Variants in NOVA1 observed in about 807,000 individuals in gnomAD.
NOVA1 encodes the protein NOVA alternative splicing regulator 1.
NOVA1 carries 7 observed loss-of-function variants against 38.0 expected under a neutral mutation model. The ratio of observed to expected loss-of-function variants is 0.18; its 90% CI spans 0.10 to 0.35. NOVA1 has a LOEUF of 0.35. NOVA1 is among the 10% of genes least tolerant of loss of function. The pLI, the probability that NOVA1 is intolerant of heterozygous loss-of-function variation, is 1.00. For missense variants in NOVA1, 460 were observed against 616.0 expected (o/e 0.75, Z 2.68); for synonymous variants, 270 against 232.5 (o/e 1.16, Z -1.47).
intron 2 of NOVA1, among the ~76,000 whole-genome samples, chr14:26,482,493 C>T (rs117122673): frequency 0.013 from 2,007 of 152,050 alleles, 22 homozygotes; most frequent in Middle Eastern, 0.027. Flanking sequence ...AAAAATGAGC[C>T]TATAAATCAT....
intron 2 of NOVA1, among the ~76,000 whole-genome samples, chr14:26,510,628 T>C (rs1379498239): frequency 6.6e-6 from 1 of 151,954 alleles, no homozygotes; most frequent in African/African-American, 2.4e-5. Context: ...GGTGAAAAAA[T>C]CTAAACGAAG....
intron 2 of NOVA1, among the ~76,000 whole-genome samples, chr14:26,482,703 A>C (rs1885565421): frequency 1.3e-5 from 2 of 152,078 alleles, no homozygotes; most frequent in African/African-American, 4.8e-5. Flanking sequence ...ACCATTAATT[A>C]ATTAATTTTT....
At chr14:26,470,245 T>C (rs2138245624) in intron 4 of NOVA1, 3 of 1,171,754 alleles carry the variant, frequency 2.6e-6, no homozygotes, top group Admixed American at 3.2e-5. Flanking sequence ...CTTCCAGATA[T>C]AAGTCAGTAT....
intron 3 of NOVA1, among the ~76,000 whole-genome samples, chr14:26,473,007 C>T (rs1328839070): frequency 1.3e-5 from 2 of 151,754 alleles, no homozygotes; most frequent in Admixed American, 1.3e-4. Flanking sequence ...AAAATGTAAA[C>T]ATTAACCTCA....
chr14:26,566,665 A>G (rs1892151571), intron 2 of NOVA1, among the ~76,000 whole-genome samples: 1 of 152,160 alleles, frequency 6.6e-6, no homozygotes, highest in South Asian at 2.1e-4. Context: ...CAAAAATTGT[A>G]AAACTAAAAG....
intron 2 of NOVA1, among the ~76,000 whole-genome samples, chr14:26,564,532 TTTAAATATTA>T (rs1892017641): frequency 6.6e-6 from 1 of 152,140 alleles, no homozygotes; most frequent in East Asian, 1.9e-4. Flanking sequence ...AAACTGAGTT[TTTAAATATTA>T]TACAGTACTG....
Position 26,572,725 on chromosome 14 carries a change from A to AGTGTGTGTGTGTGTGTGT in NOVA1, c.280+22667_280+22684dup, listed in dbSNP as rs56021646. 6.7e-3 allele frequency among the ~76,000 whole-genome samples: 926 copies of AGTGTGTGTGTGTGTGTGT among 138,522 alleles called. 10 individuals carry two copies. The highest frequency in any genetic ancestry group is 0.018 in the South Asian group (68 of 3,776). 90.9% of individuals were successfully genotyped at this position (138,522 alleles called of 152,430 possible). ...ACCTCAGCCTTATATAAGGAACCGC[A>AGTGTGTGTGTGTGTGTGT]GTGTGTGTGTGTGTGTGTGTGTGTG... On this transcript the variant is annotated intron_variant, in intron 2 of 4. Transcript: ENST00000539517.
chr14:26,575,884 A>T (rs1420039584), intron 2 of NOVA1, among the ~76,000 whole-genome samples: 1 of 152,056 alleles, frequency 6.6e-6, no homozygotes, highest in Admixed American at 6.5e-5. Flanking sequence ...AAAAACATTA[A>T]GTAGTACAGT....
intron 2 of NOVA1, among the ~76,000 whole-genome samples, chr14:26,493,566 C>T (rs1886524294): frequency 6.6e-6 from 1 of 152,118 alleles, no homozygotes; most frequent in Non-Finnish European, 1.5e-5. Flanking sequence ...CAGGAATACA[C>T]AATCATCCAC....
At chr14:26,530,054 G>A (rs990229049) in intron 2 of NOVA1, among the ~76,000 whole-genome samples, 4 of 152,088 alleles carry the variant, frequency 2.6e-5, no homozygotes, top group Admixed American at 2.6e-4. Context: ...CGAGTAGCTG[G>A]GACTACAAGC....
chr14:26,590,977 A>T (rs963436023), intron 2 of NOVA1, among the ~76,000 whole-genome samples: 18 of 151,894 alleles, frequency 1.2e-4, no homozygotes, highest in African/African-American at 4.1e-4. Flanking sequence ...TAAAATGTAC[A>T]GCTAAAATTT....
intron 4 of NOVA1, among the ~76,000 whole-genome samples, chr14:26,464,750 A>C (rs1182022783): frequency 6.6e-6 from 1 of 152,112 alleles, no homozygotes; most frequent in Non-Finnish European, 1.5e-5. Flanking sequence ...GAAAATTGTA[A>C]TATATTTATA....
At chr14:26,539,922 C>T (rs1433013087) in intron 2 of NOVA1, among the ~76,000 whole-genome samples, 1 of 152,022 alleles carries the variant, frequency 6.6e-6, no homozygotes, top group Non-Finnish European at 1.5e-5. Context: ...CAAAAATAGC[C>T]TGCTGCAGAG....
chr14:26,499,919 C>T (rs1470721716), intron 2 of NOVA1, among the ~76,000 whole-genome samples: 1 of 152,068 alleles, frequency 6.6e-6, no homozygotes, highest in Non-Finnish European at 1.5e-5. Flanking sequence ...AAAACTTCTC[C>T]TAACACATAT....
In NOVA1 at chr14:26,443,121, G is replaced by A. The variant is rs1202774136; in HGVS notation, c.*4838C>T. Reference sequence around the variant, plus strand: ...TTTAAAGCTATTTGCAGATTTATTAGAGAAACAAATACAAATATGCATTTC... The same window carrying A: ...TTTAAAGCTATTTGCAGATTTATTAAAGAAACAAATACAAATATGCATTTC... On this transcript the variant is annotated 3_prime_UTR_variant, in exon 5 of 5. Transcript: ENST00000539517. The A allele has an allele frequency of 6.6e-6, 1 of 151,884 alleles. No homozygotes were observed. The highest frequency in any genetic ancestry group is 1.9e-4 in the East Asian group (1 of 5,194). 9.4% of individuals were successfully genotyped at this position (151,884 alleles called of 1,614,324 possible).
At position 26,448,032 on chromosome 14, in the gene NOVA1, G is replaced by A. The variant is rs532505149; in HGVS notation, c.1451C>T (p.Ala484Val). 6.2e-7 allele frequency: 1 copy of A among 1,614,154 alleles called. No individual in the cohort carries two copies. The highest frequency in any genetic ancestry group is 1.3e-5 in the African/African-American group (1 of 75,038). The change falls in exon 5 of 5, where the codon GCT (alanine) becomes GTT (valine). Residue 484 changes from alanine (A) to valine (V), a missense_variant. Ala to Val is a moderately conservative substitution (Grantham distance 64). Transcript: ENST00000539517. The surrounding 1 kb of genome is among the most constrained non-coding windows in gnomAD (Gnocchi z 5.3). Reference protein sequence around the residue: ...ITGTPAATQAAQYLITQRITY... With the variant: ...ITGTPAATQAVQYLITQRITY... ...GATCCTTTGTGTAATTAAATATTGA[G>A]CAGCCTGTGTTGCAGCTGGTGTTCC... is the stretch of plus-strand genomic sequence containing the variant.
intron 2 of NOVA1, among the ~76,000 whole-genome samples, chr14:26,527,406 G>C (rs1227077239): frequency 2.6e-5 from 4 of 151,996 alleles, no homozygotes; most frequent in African/African-American, 9.7e-5. Context: ...GATCAGACTT[G>C]CACTGCCTTG....
chr14:26,511,258 AT>A (rs1347145588), intron 2 of NOVA1, among the ~76,000 whole-genome samples: 1 of 107,592 alleles, frequency 9.3e-6, no homozygotes, highest in Non-Finnish European at 2.2e-5. Context: ...TCAAATTAAT[AT>A]TTTTTATACT....
At chr14:26,514,771 G>A (rs1346231761) in intron 2 of NOVA1, among the ~76,000 whole-genome samples, 1 of 151,598 alleles carries the variant, frequency 6.6e-6, no homozygotes, top group African/African-American at 2.4e-5. Flanking sequence ...AGCTTTTACT[G>A]ATGAAAATGT....
Sources: allele counts gnomAD v4.1 joint callset (sites outside exome capture counted in the v4.1 genomes callset), GRCh38; gene constraint gnomAD v4.1.1; non-coding constraint Gnocchi (gnomAD v3.1); transcripts MANE v1.5; gene names NCBI Gene and HGNC (gene_info 2026-07-23, HGNC 2026-07-21).